Variants in APPL1 observed in about 807,000 individuals in gnomAD.
APPL1 encodes the protein adaptor protein, phosphotyrosine interacting with PH domain and leucine zipper 1.
Under a neutral mutation model 106.8 loss-of-function variants are expected in APPL1, and 42 were observed. The observed-to-expected ratio is 0.39, with a 90% CI of 0.31 to 0.51. APPL1 has a LOEUF of 0.51. Ranked by LOEUF, APPL1 falls within the 20% of genes least tolerant of loss-of-function variation. The pLI is 0.75. For synonymous variants in APPL1, 263 were observed against 281.8 expected (o/e 0.93, Z 0.67); for missense variants, 769 against 858.2 (o/e 0.90, Z 1.30).
At chr3:57,269,342 G>A in intron 21 of APPL1, 199 bp from the exon 22 acceptor site, 1 of 491,984 alleles carries the variant, frequency 2.0e-6, no homozygotes, top group South Asian at 4.1e-5. Context: ...TAGTTTGAAT[G>A]CTGGCTTTTA....
chr3:57,227,744 G>A lies in APPL1; in HGVS notation c.-140G>A. 1 of 663,766 alleles carries A rather than the reference G, an allele frequency of 1.5e-6. No homozygotes were observed. The highest frequency in any genetic ancestry group is 4.9e-5 in the South Asian group (1 of 20,544). The allele number at this position is 663,766 out of a possible 1,614,324, so 41.1% of individuals were successfully genotyped here. ...GGGATTTCCCGCACGGCCGCTCGGC[G>A]CCTGGAGAAGGCTGTGCGGGCGGGG... is the stretch of plus-strand genomic sequence containing the variant. On this transcript the variant is annotated 5_prime_UTR_variant, in exon 1 of 22. Transcript: ENST00000288266.
chr3:57,253,597 G>C, intron 12 of APPL1, 85 bp from the exon 13 acceptor site: 1 of 1,013,784 alleles, frequency 9.9e-7, no homozygotes, highest in East Asian at 3.7e-5. Flanking sequence ...TGAAACATCT[G>C]TTGCAGTTGA....
In APPL1 at chr3:57,262,385, CTTTTTTTTTTTT is replaced by C. The variant is rs373526618; in HGVS notation, c.1842+1625_1842+1636del. On this transcript the variant is annotated intron_variant, in intron 19 of 21. Coordinates refer to ENST00000288266, the MANE Select transcript of APPL1 (RefSeq NM_012096.3). ...GTTTTTTTTTTCTATGGAAAATAAC[CTTTTTTTTTTTT>C]TTTTTTTTTTTTTGAGACAGACTCT... Among the ~76,000 whole-genome samples the C allele has an allele frequency of 6.9e-5, 2 of 29,056 alleles. 1 individual carries two copies. The highest frequency in any genetic ancestry group is 1.2e-4 in the Non-Finnish European group (2 of 16,082). 19.1% of individuals were successfully genotyped at this position (29,056 alleles called of 152,430 possible).
chr3:57,236,856 AC>A (rs1442803262), intron 2 of APPL1, among the ~76,000 whole-genome samples: 1 of 152,224 alleles, frequency 6.6e-6, no homozygotes, highest in Non-Finnish European at 1.5e-5. Context: ...AATTAAGCGT[AC>A]AAGTTTTATT....
intron 1 of APPL1, among the ~76,000 whole-genome samples, chr3:57,229,510 G>A (rs1282167783): frequency 2.6e-5 from 4 of 151,500 alleles, no homozygotes; most frequent in South Asian, 2.1e-4. Context: ...CATCATACTA[G>A]TGTCCGTTTT....
chr3:57,259,773 T>C, intron 16 of APPL1, 72 bp from the exon 17 acceptor site: 1 of 1,254,066 alleles, frequency 8.0e-7, no homozygotes. Flanking sequence ...GGAAAAGAAA[T>C]ATGGCGAAAA....
chr3:57,264,795 A>G (rs756726985), intron 19 of APPL1, among the ~76,000 whole-genome samples: 2 of 139,730 alleles, frequency 1.4e-5, no homozygotes, highest in Admixed American at 7.1e-5. Flanking sequence ...GCACTGGTCT[A>G]TGTGTCTTTT....
chr3:57,246,021 T>G, intron 7 of APPL1, 55 bp from the exon 8 acceptor site: 1 of 1,339,472 alleles, frequency 7.5e-7, no homozygotes, highest in Admixed American at 2.7e-5. Flanking sequence ...TAATACAAAA[T>G]TAAGTAAATA....
chr3:57,260,924 G>C, intron 19 of APPL1, 150 bp downstream of exon 19: 1 of 962,374 alleles, frequency 1.0e-6, no homozygotes, highest in Non-Finnish European at 1.5e-6. Context: ...AGGCACATGT[G>C]AATTTTGTTA....
intron 4 of APPL1, 173 bp downstream of exon 4, chr3:57,238,289 A>C (rs964829231): frequency 3.7e-5 from 19 of 514,968 alleles, no homozygotes; most frequent in African/African-American, 3.5e-4. Context: ...CTGATTAAAC[A>C]TTGTTTTCCA....
chr3:57,269,014 AAAG>A (rs1332150827), intron 21 of APPL1: 1 of 153,124 alleles, frequency 6.5e-6, no homozygotes, highest in Admixed American at 6.5e-5. Context: ...TAGGAATAGA[AAAG>A]AGGAGACAGC....
At chr3:57,262,810 AG>A (rs1451163782) in intron 19 of APPL1, among the ~76,000 whole-genome samples, 19 of 119,772 alleles carry the variant, frequency 1.6e-4, no homozygotes, top group Non-Finnish European at 3.0e-4. Flanking sequence ...TGTGGGTACA[AG>A]GGGTGTGTGT....
rs1322291184 is a variant in APPL1, at chr3:57,260,761, A to G, written c.1829A>G (p.Asn610Ser). 17 of 1,608,378 alleles carry G rather than the reference A, an allele frequency of 1.1e-5. No individual in the cohort carries two copies. The East Asian group carries it at 1.8e-4, about 17-fold the overall frequency. ...SSVCYIFESNNEGEKICDSVG... is the reference protein window; with the variant it reads ...SSVCYIFESNSEGEKICDSVG... The stretch of plus-strand genomic sequence containing the variant: ...GTCTGCTATATATTTGAGTCAAACA[A>G]TGAGGGGGAAAAGGTACATGGCTTT... The change falls in exon 19 of 22, where the codon AAT becomes AGT. Residue 610 changes from asparagine (N) to serine (S), a missense_variant. Transcript: ENST00000288266.
intron 12 of APPL1, 109 bp from the exon 13 acceptor site, chr3:57,253,573 T>A (rs2060816843): frequency 2.6e-6 from 2 of 783,776 alleles, no homozygotes. Context: ...GGAAGATAAA[T>A]ATATTACTTC....
At position 57,228,077 on chromosome 3, in the gene APPL1, C is replaced by G. The variant is rs748776747; in HGVS notation, c.54+140C>G. On this transcript the variant is annotated intron_variant, in intron 1 of 21. Coordinates refer to ENST00000288266, the MANE Select transcript of APPL1 (RefSeq NM_012096.3). This position sits in a 1 kb window ranked among gnomAD's most constrained non-coding sequence, Gnocchi z 4.6. Reference sequence around the variant, plus strand: ...CCCTAGGTCACCGCCCGTCGCAGGCCGCGCCCGGAGTTGTGGAGGCTGGGC... The same window carrying G: ...CCCTAGGTCACCGCCCGTCGCAGGCGGCGCCCGGAGTTGTGGAGGCTGGGC... 5 of 707,148 alleles carry G rather than the reference C, an allele frequency of 7.1e-6. No individual in the cohort carries two copies. The Admixed American group carries it at 1.4e-4, about 20-fold the overall frequency. 43.8% of individuals were successfully genotyped at this position (707,148 alleles called of 1,614,324 possible).
In APPL1 at chr3:57,238,036, G is replaced by A. The variant is rs1475168207; in HGVS notation, c.214-9G>A. 2 of 1,604,754 alleles carry A rather than the reference G, an allele frequency of 1.2e-6. No homozygotes were observed. Among genetic ancestry groups the A allele is most frequent in the South Asian group, 1.1e-5 (1 of 88,582 alleles). ...TGAAACTTTACCTCATCTGTTTCTT[G>A]CTTTTCAGCGTTTTCCATTGGGAGG... On this transcript the variant is annotated splice_polypyrimidine_tract_variant and intron_variant, in intron 3 of 21. Coordinates refer to ENST00000288266, the MANE Select transcript of APPL1 (RefSeq NM_012096.3).
intron 1 of APPL1, among the ~76,000 whole-genome samples, chr3:57,234,112 T>C (rs1200987478): frequency 6.6e-6 from 1 of 152,092 alleles, no homozygotes; most frequent in Non-Finnish European, 1.5e-5. Flanking sequence ...CAACAGTTTC[T>C]AAGGCTGAGG....
intron 1 of APPL1, among the ~76,000 whole-genome samples, chr3:57,234,694 C>G (rs1193456987): frequency 6.7e-6 from 1 of 148,986 alleles, no homozygotes; most frequent in African/African-American, 2.5e-5. Flanking sequence ...CTTTGTCGCC[C>G]GCCCAGGCTG....
In APPL1 at chr3:57,272,927, G is replaced by GAAAC. The variant is rs1225412362; in HGVS notation, c.*3242_*3245dup. On this transcript the variant is annotated 3_prime_UTR_variant, in exon 22 of 22. Transcript: ENST00000288266. Reference sequence around the variant, plus strand: ...AAATGAAATTATTAATGTTGGTTCTGAAACAGCCTCTTAGCATTCAGATTG... The same window carrying GAAAC: ...AAATGAAATTATTAATGTTGGTTCTGAAACAAACAGCCTCTTAGCATTCAGATTG... The GAAAC allele has an allele frequency of 6.6e-6, 1 of 152,366 alleles. No homozygotes were observed. Among genetic ancestry groups the GAAAC allele is most frequent in the African/African-American group, 2.4e-5 (1 of 41,432 alleles). 9.4% of individuals were successfully genotyped at this position (152,366 alleles called of 1,614,324 possible). A position where few individuals can be genotyped will look rare whatever the true frequency, so the allele number is the denominator to read the frequency against.
Sources: gnomAD v4.1 joint callset for allele counts (sites outside exome capture counted in the v4.1 genomes callset) on GRCh38, gnomAD v4.1.1 for gene constraint, Gnocchi (gnomAD v3.1) non-coding constraint, MANE v1.5 for transcripts, NCBI Gene and HGNC (gene_info 2026-07-23, HGNC 2026-07-21) for gene names.